CALN1: variants seen among roughly 807,000 people sequenced by gnomAD.
CALN1 encodes calneuron 1.
In CALN1, 17 loss-of-function variants were observed where a neutral mutation model predicts 30.6. That is an observed-to-expected ratio of 0.56 (90% CI 0.38 to 0.83). The LOEUF is 0.83. Ranked by LOEUF, CALN1 falls within the 40% of genes least tolerant of loss-of-function variation. The probability of loss-of-function intolerance (pLI) is 0.00; values close to 1 mark genes in which losing one functional copy is unlikely to be tolerated. For missense variants in CALN1, 291 were observed against 354.9 expected (o/e 0.82, Z 1.45); for synonymous variants, 156 against 131.4 (o/e 1.19, Z -1.28).
intron 2 of CALN1, among the ~76,000 whole-genome samples, chr7:72,323,415 G>T (rs1801033416): frequency 1.3e-5 from 2 of 152,132 alleles, no homozygotes; most frequent in South Asian, 4.1e-4. Context: ...GCAGCTTGTT[G>T]GAAATGCCTG....
the CALN1 span, among the ~76,000 whole-genome samples, chr7:72,475,642 T>C: frequency 2.6e-5 from 4 of 152,180 alleles, no homozygotes; most frequent in African/African-American, 9.7e-5. Context: ...CCTGAGGAAA[T>C]GAATTTCATG....
Position 72,126,039 on chromosome 7 carries a change from T to G in CALN1, c.245-19745A>C, listed in dbSNP as rs529920988. Among the ~76,000 whole-genome samples, 15 of 152,208 alleles carry G rather than the reference T, an allele frequency of 9.9e-5. No individual in the cohort carries two copies. In the South Asian group the frequency reaches 3.1e-3, roughly 32 times the overall value. On this transcript the variant is annotated intron_variant, in intron 3 of 6. Transcript: ENST00000395275. The stretch of plus-strand genomic sequence containing the variant: ...TGGCCTCAAACTCCTGACCTCATGA[T>G]CCGCCCACCTCGGCCTCCCAAAGTG...
In CALN1 at chr7:72,295,318, ATACT is replaced by A. The variant is rs200302096; in HGVS notation, c.120-16512_120-16509del. Among the ~76,000 whole-genome samples the A allele has an allele frequency of 7.1e-3, 1,077 of 152,260 alleles. 9 individuals are homozygous for A. The highest frequency in any genetic ancestry group is 0.023 in the African/African-American group (969 of 41,536). ...CTTATTTTTAAAAATAACAAAAACA[ATACT>A]TATTTTTTTTAAATCACAGAGTGTA... On this transcript the variant is annotated intron_variant, in intron 2 of 6. Transcript: ENST00000395275.
At chr7:72,382,310 A>G (rs1367768113) in intron 2 of CALN1, among the ~76,000 whole-genome samples, 1 of 152,248 alleles carries the variant, frequency 6.6e-6, no homozygotes, top group Non-Finnish European at 1.5e-5. Flanking sequence ...GAAAGGGAGA[A>G]AAATGACAGC....
intron 2 of CALN1, among the ~76,000 whole-genome samples, chr7:72,348,675 G>A (rs2944814): frequency 0.36 from 54,250 of 152,058 alleles, 10,550 homozygotes; most frequent in Middle Eastern, 0.53. Flanking sequence ...AACACCCGGC[G>A]GGTACAATAC....
chr7:72,397,790 A>C (rs34479547), intron 2 of CALN1, among the ~76,000 whole-genome samples: 88,210 of 150,482 alleles, frequency 0.59, 27,599 homozygotes, highest in African/African-American at 0.81. Context: ...GTATTAGCCT[A>C]CCCTTAGGAC....
At chr7:72,290,900 C>T (rs577861784) in intron 2 of CALN1, among the ~76,000 whole-genome samples, 1 of 149,648 alleles carries the variant, frequency 6.7e-6, no homozygotes, top group African/African-American at 2.5e-5. Flanking sequence ...CATTATGATT[C>T]CTATACTTTC....
chr7:72,008,538 A>G (rs1799899407), intron 5 of CALN1, among the ~76,000 whole-genome samples: 2 of 152,152 alleles, frequency 1.3e-5, no homozygotes, highest in Non-Finnish European at 2.9e-5. Flanking sequence ...TACTAGAATG[A>G]AAACAGAGAA....
At chr7:72,297,482 G>C (rs576186632) in intron 2 of CALN1, among the ~76,000 whole-genome samples, 2 of 152,108 alleles carry the variant, frequency 1.3e-5, no homozygotes, top group Non-Finnish European at 2.9e-5. Flanking sequence ...TGCAACTCCA[G>C]ACTAATAAAT....
intron 5 of CALN1, among the ~76,000 whole-genome samples, chr7:72,020,531 A>G (rs1022874542): frequency 6.6e-6 from 1 of 152,130 alleles, no homozygotes; most frequent in African/African-American, 2.4e-5. Context: ...CTGAGAATTG[A>G]TGGATGTTTT....
chr7:72,303,577 A>G (rs1799444594), intron 2 of CALN1, among the ~76,000 whole-genome samples: 1 of 152,082 alleles, frequency 6.6e-6, no homozygotes, highest in South Asian at 2.1e-4. Flanking sequence ...AAAAAGAAAA[A>G]AAAAAAAGAA....
chr7:72,385,513 C>A (rs1455000292), intron 2 of CALN1, among the ~76,000 whole-genome samples: 1 of 152,084 alleles, frequency 6.6e-6, no homozygotes. Flanking sequence ...TGTCCCCACC[C>A]AAACCTCATC....
At chr7:72,481,758 A>G in the CALN1 span, among the ~76,000 whole-genome samples, 1 of 152,112 alleles carries the variant, frequency 6.6e-6, no homozygotes, top group Admixed American at 6.5e-5. Flanking sequence ...CGTATTTGGG[A>G]ATTTTCAGGA....
chr7:72,326,856 GTC>G (rs1365654183), intron 2 of CALN1, among the ~76,000 whole-genome samples: 2 of 152,158 alleles, frequency 1.3e-5, no homozygotes, highest in African/African-American at 4.8e-5. Flanking sequence ...ATGTCACTCA[GTC>G]TCTCTGACTG....
chr7:72,103,970 G>T (rs895083125), intron 4 of CALN1: 6 of 152,288 alleles, frequency 3.9e-5, no homozygotes, highest in African/African-American at 1.4e-4. Context: ...GTGGGGTAGG[G>T]CAGGAAGATA....
At chr7:72,148,877 C>A (rs1424208211) in intron 3 of CALN1, among the ~76,000 whole-genome samples, 1 of 144,982 alleles carries the variant, frequency 6.9e-6, no homozygotes, top group Non-Finnish European at 1.5e-5. Flanking sequence ...GCACTCCAGG[C>A]TGGGTGACAG....
intron 3 of CALN1, among the ~76,000 whole-genome samples, chr7:72,227,069 T>TA (rs1793733921): frequency 6.6e-6 from 1 of 151,120 alleles, no homozygotes; most frequent in Non-Finnish European, 1.5e-5. Context: ...ATGGGAACAA[T>TA]AGACATTGGG....
rs1329608267 is a variant in CALN1 at position 72,339,733 on chromosome 7, C to T, written c.120-60923G>A. Among the ~76,000 whole-genome samples the T allele has an allele frequency of 4.6e-5, 7 of 152,198 alleles. No individual in the cohort carries two copies. In the East Asian group the frequency reaches 1.3e-3, roughly 29 times the overall value. On this transcript the variant is annotated intron_variant, in intron 2 of 6. Transcript: ENST00000395275. ...AGAAGGTAAAGGAGAAGCAAAGGCA[C>T]ATCTTACATGGCAGCAAGCAAGAGA...
At chr7:72,183,063 G>A (rs1205685005) in intron 3 of CALN1, among the ~76,000 whole-genome samples, 1 of 152,022 alleles carries the variant, frequency 6.6e-6, no homozygotes, top group Non-Finnish European at 1.5e-5. Flanking sequence ...TGGGGTGTTT[G>A]TTGTTTGTCT....
Sources: gnomAD v4.1 joint callset for allele counts (sites outside exome capture counted in the v4.1 genomes callset) on GRCh38, gnomAD v4.1.1 for gene constraint, MANE v1.5 for transcripts, NCBI Gene and HGNC (gene_info 2026-07-23, HGNC 2026-07-21) for gene names.